Variants in CCDC102B observed in about 807,000 individuals in gnomAD.
CCDC102B encodes coiled-coil domain containing 102B, also known as coiled-coil domain-containing protein 102B.
A neutral mutation model predicts 57.4 loss-of-function variants in CCDC102B; 75 were observed. The observed-to-expected ratio is 1.31, with a 90% CI of 1.08 to 1.58. The LOEUF (loss-of-function observed/expected upper bound fraction) is 1.58. Among genes scored for constraint, CCDC102B ranks in the 40% most tolerant of loss-of-function variants. CCDC102B has a pLI of 0.00. For missense variants in CCDC102B, 636 were observed against 582.6 expected (o/e 1.09, Z -0.94); for synonymous variants, 206 against 201.9 (o/e 1.02, Z -0.17).
chr18:68,883,895 C>T (rs567386273), intron 5 of CCDC102B, among the ~76,000 whole-genome samples: 8 of 152,128 alleles, frequency 5.3e-5, no homozygotes, highest in Non-Finnish European at 1.0e-4. Flanking sequence ...AACATCCAAT[C>T]GGCTTTTTAG....
upstream of CCDC102B, among the ~76,000 whole-genome samples, chr18:68,794,112 G>A (rs992591212): frequency 2.6e-5 from 4 of 152,066 alleles, no homozygotes; most frequent in African/African-American, 9.7e-5. Context: ...GATGACAGTG[G>A]CTTCACCAGA....
chr18:68,857,825 G>A (rs1369494704), intron 4 of CCDC102B, among the ~76,000 whole-genome samples: 1 of 152,056 alleles, frequency 6.6e-6, no homozygotes. Context: ...TTTCCTAATG[G>A]TGCACATTAT....
At chr18:68,746,607 CA>C (rs1159033906) in intron 2 of CCDC102B, among the ~76,000 whole-genome samples, 6 of 152,064 alleles carry the variant, frequency 3.9e-5, no homozygotes, top group Non-Finnish European at 2.9e-5. Flanking sequence ...TCTACCTCTA[CA>C]GGCAAAAAAT....
intron 1 of CCDC102B, among the ~76,000 whole-genome samples, chr18:68,803,288 G>A (rs916614858): frequency 2.0e-5 from 3 of 152,154 alleles, no homozygotes; most frequent in Admixed American, 1.3e-4. Flanking sequence ...AAATAGAGAT[G>A]TGAATAAAAA....
chr18:68,909,456 C>T (rs2040761653), intron 6 of CCDC102B, among the ~76,000 whole-genome samples: 1 of 152,154 alleles, frequency 6.6e-6, no homozygotes, highest in Admixed American at 6.5e-5. Flanking sequence ...GTTATAAAAT[C>T]AGATTCTACC....
At chr18:68,806,285 C>T (rs2036031415) in intron 1 of CCDC102B, among the ~76,000 whole-genome samples, 1 of 152,014 alleles carries the variant, frequency 6.6e-6, no homozygotes, top group Non-Finnish European at 1.5e-5. Context: ...TAAGAATGCT[C>T]AGCAAACATA....
chr18:68,954,316 A>G lies in CCDC102B; in HGVS notation c.1264-56618A>G, dbSNP rs528038762. Among the ~76,000 whole-genome samples, 3 of 152,276 alleles carry G rather than the reference A, an allele frequency of 2.0e-5. No individual in the cohort carries two copies. The South Asian group carries it at 6.2e-4, about 32-fold the overall frequency. ...ACATCTGTAATCCCAGCTACTCGGG[A>G]GGCTTAGGCAGGAGAATCGCTTGAA... On this transcript the variant is annotated intron_variant, in intron 6 of 7. Transcript: ENST00000360242.
chr18:68,787,661 G>A (rs1303340012), intron 2 of CCDC102B, among the ~76,000 whole-genome samples: 1 of 147,774 alleles, frequency 6.8e-6, no homozygotes, highest in Non-Finnish European at 1.5e-5. Flanking sequence ...ATTTCTGTGG[G>A]ATCGGTGGTG....
At chr18:68,750,956 A>AT (rs1314781990) in intron 2 of CCDC102B, among the ~76,000 whole-genome samples, 1 of 151,436 alleles carries the variant, frequency 6.6e-6, no homozygotes, top group African/African-American at 2.4e-5. Context: ...AATAATAATA[A>AT]AAAAAAACAA....
chr18:68,966,339 C>A (rs2050165514), intron 6 of CCDC102B, among the ~76,000 whole-genome samples: 1 of 152,086 alleles, frequency 6.6e-6, no homozygotes, highest in Admixed American at 6.6e-5. Context: ...TTAGTTAACT[C>A]ACAATCCTTT....
intron 2 of CCDC102B, among the ~76,000 whole-genome samples, chr18:68,764,460 C>G (rs1018116354): frequency 6.6e-6 from 1 of 152,262 alleles, no homozygotes. Flanking sequence ...ATGGCAGACT[C>G]AAATTGTATT....
At chr18:68,945,041 G>A (rs774240252) in intron 6 of CCDC102B, among the ~76,000 whole-genome samples, 2 of 151,512 alleles carry the variant, frequency 1.3e-5, no homozygotes, top group Non-Finnish European at 2.9e-5. Context: ...AGATGCCAGC[G>A]TGTTATCTTG....
intron 6 of CCDC102B, among the ~76,000 whole-genome samples, chr18:68,905,670 A>G (rs1216475497): frequency 2.6e-5 from 4 of 151,118 alleles, no homozygotes; most frequent in African/African-American, 9.7e-5. Context: ...GTAACTCCTC[A>G]TTCCTCCCTC....
chr18:68,990,692 G>C (rs116395427), intron 6 of CCDC102B, among the ~76,000 whole-genome samples: 2 of 151,834 alleles, frequency 1.3e-5, no homozygotes, highest in Non-Finnish European at 2.9e-5. Context: ...ATAATTTTCC[G>C]CTTGAAGAAT....
intron 1 of CCDC102B, among the ~76,000 whole-genome samples, chr18:68,807,004 A>G (rs186307759): frequency 9.8e-4 from 149 of 152,292 alleles, no homozygotes; most frequent in Non-Finnish European, 1.7e-3. Context: ...CATAGCAACC[A>G]TAGAATACAT....
intron 6 of CCDC102B, among the ~76,000 whole-genome samples, chr18:68,903,286 T>C (rs2145041979): frequency 6.6e-6 from 1 of 152,268 alleles, no homozygotes; most frequent in African/African-American, 2.4e-5. Context: ...TTACACTCCC[T>C]TTCCTCCCTT....
At chr18:68,940,615 A>C (rs980433052) in intron 6 of CCDC102B, among the ~76,000 whole-genome samples, 2 of 151,786 alleles carry the variant, frequency 1.3e-5, no homozygotes, top group African/African-American at 4.8e-5. Context: ...CTACATAAAA[A>C]TTTTCTTTGT....
At chr18:68,787,719 T>C (rs1156336872) in intron 2 of CCDC102B, among the ~76,000 whole-genome samples, 2 of 148,122 alleles carry the variant, frequency 1.4e-5, no homozygotes, top group Non-Finnish European at 3.0e-5. Flanking sequence ...TCTTCTCTCT[T>C]TTTTTCTTTA....
chr18:68,793,590 TATCC>T (rs10628588), upstream of CCDC102B, among the ~76,000 whole-genome samples: 6,194 of 149,274 alleles, frequency 0.041, 191 homozygotes, highest in Non-Finnish European at 0.064. Context: ...GTTCATAGAA[TATCC>T]ATCCATCCAT....
Sources: gnomAD v4.1 joint callset for allele counts (sites outside exome capture counted in the v4.1 genomes callset) on GRCh38, gnomAD v4.1.1 for gene constraint, MANE v1.5 for transcripts, NCBI Gene and HGNC (gene_info 2026-07-23, HGNC 2026-07-21) for gene names.